GRID2: variants seen among roughly 807,000 people sequenced by gnomAD.
GRID2 encodes glutamate receptor ionotropic, delta-2.
Under a neutral mutation model 114.8 loss-of-function variants are expected in GRID2, and 33 were observed. That is an observed-to-expected ratio of 0.29 (90% CI 0.22 to 0.38). GRID2 has a LOEUF of 0.38. Among genes scored for constraint, GRID2 ranks in the 10% least tolerant of loss-of-function variants. GRID2 has a pLI of 1.00. For synonymous variants in GRID2, 505 were observed against 449.9 expected (o/e 1.12, Z -1.55); for missense variants, 1,184 against 1,257.7 (o/e 0.94, Z 0.89).
intron 2 of GRID2, among the ~76,000 whole-genome samples, chr4:92,817,499 C>T (rs988123454): frequency 6.6e-6 from 1 of 152,120 alleles, no homozygotes; most frequent in Non-Finnish European, 1.5e-5. Flanking sequence ...CCATATCTCT[C>T]ATAAGGCCAT....
intron 2 of GRID2, among the ~76,000 whole-genome samples, chr4:92,625,566 C>A (rs763734900): frequency 6.6e-6 from 1 of 151,674 alleles, no homozygotes; most frequent in Non-Finnish European, 1.5e-5. Flanking sequence ...ATCAAGAAAG[C>A]CTGCATTTAA....
intron 2 of GRID2, among the ~76,000 whole-genome samples, chr4:92,668,978 G>A (rs1309860212): frequency 6.6e-6 from 1 of 151,718 alleles, no homozygotes; most frequent in Non-Finnish European, 1.5e-5. Context: ...ATAGTATTTG[G>A]TCATCATTAA....
chr4:92,983,862 C>T (rs1382914706), intron 2 of GRID2, among the ~76,000 whole-genome samples: 1 of 151,978 alleles, frequency 6.6e-6, no homozygotes, highest in Non-Finnish European at 1.5e-5. Context: ...TATTTTATGT[C>T]AATGCTAAGG....
chr4:92,905,114 T>A (rs1747850193), intron 2 of GRID2, among the ~76,000 whole-genome samples: 1 of 152,022 alleles, frequency 6.6e-6, no homozygotes, highest in Non-Finnish European at 1.5e-5. Context: ...ATTTCCCTAC[T>A]TAATTAAGAA....
intron 8 of GRID2, among the ~76,000 whole-genome samples, chr4:93,383,815 C>T (rs1764082195): frequency 6.6e-6 from 1 of 152,046 alleles, no homozygotes; most frequent in Non-Finnish European, 1.5e-5. Context: ...ACTTGATTGG[C>T]TTCCAAAAAT....
At chr4:92,433,091 A>G (rs1349887352) in intron 1 of GRID2, among the ~76,000 whole-genome samples, 1 of 152,038 alleles carries the variant, frequency 6.6e-6, no homozygotes, top group Non-Finnish European at 1.5e-5. Context: ...CTGGTGTCCT[A>G]TTCAAATGTG....
intron 2 of GRID2, among the ~76,000 whole-genome samples, chr4:92,834,513 T>C (rs1274613198): frequency 6.6e-6 from 1 of 152,116 alleles, no homozygotes; most frequent in Admixed American, 6.6e-5. Flanking sequence ...ATTTTTGTCG[T>C]TTAATCAGGC....
At chr4:93,333,449 A>G (rs916886067) in intron 8 of GRID2, among the ~76,000 whole-genome samples, 24 of 152,170 alleles carry the variant, frequency 1.6e-4, no homozygotes, top group African/African-American at 5.8e-4. Context: ...TCCTTTACAA[A>G]CAGTAACTTC....
At chr4:92,488,454 G>C (rs1252898257) in intron 1 of GRID2, among the ~76,000 whole-genome samples, 1 of 152,068 alleles carries the variant, frequency 6.6e-6, no homozygotes, top group East Asian at 1.9e-4. Flanking sequence ...AAGGATTTGG[G>C]GTGCTGGCAT....
intron 2 of GRID2, among the ~76,000 whole-genome samples, chr4:92,919,058 C>G (rs185892102): frequency 2.6e-5 from 4 of 152,264 alleles, no homozygotes; most frequent in Admixed American, 2.6e-4. Context: ...AGAGATTCAA[C>G]TTCTTCCTGG....
intron 2 of GRID2, among the ~76,000 whole-genome samples, chr4:92,886,138 A>G (rs1489672890): frequency 1.3e-5 from 2 of 152,092 alleles, no homozygotes; most frequent in Non-Finnish European, 2.9e-5. Context: ...CAAGAGGCCT[A>G]TTTCCTGAGG....
intron 1 of GRID2, among the ~76,000 whole-genome samples, chr4:92,393,231 C>A (rs1730335173): frequency 6.6e-6 from 1 of 152,074 alleles, no homozygotes; most frequent in Non-Finnish European, 1.5e-5. Flanking sequence ...CAAAAACCTC[C>A]CACAAGACCC....
intron 1 of GRID2, among the ~76,000 whole-genome samples, chr4:92,474,222 T>C (rs1054738390): frequency 3.9e-5 from 6 of 152,030 alleles, no homozygotes; most frequent in Non-Finnish European, 8.8e-5. Context: ...TCTGTTTATA[T>C]GAATTTGGAT....
intron 2 of GRID2, among the ~76,000 whole-genome samples, chr4:92,606,151 C>T (rs1198342224): frequency 6.9e-6 from 1 of 144,700 alleles, no homozygotes; most frequent in Non-Finnish European, 1.6e-5. Flanking sequence ...AAAGAAACCT[C>T]ATTTTGTGGC....
chr4:93,378,216 A>T (rs1469738), intron 8 of GRID2, among the ~76,000 whole-genome samples: 104,709 of 151,922 alleles, frequency 0.69, 36,726 homozygotes, highest in African/African-American at 0.82. Context: ...CCTAGAATAA[A>T]TCTTACTTTA....
At chr4:92,938,118 T>A (rs1159468615) in intron 2 of GRID2, among the ~76,000 whole-genome samples, 1 of 146,976 alleles carries the variant, frequency 6.8e-6, no homozygotes, top group Non-Finnish European at 1.5e-5. Flanking sequence ...TTTATTTCTC[T>A]TTGTTTTATC....
chr4:93,779,631 T>C (rs915912617), intron 1 of GRID2, among the ~76,000 whole-genome samples: 3 of 152,176 alleles, frequency 2.0e-5, no homozygotes, highest in African/African-American at 7.2e-5. Context: ...TTGCAGAGTA[T>C]GTTTGTCAAA....
chr4:93,644,860 A>T (rs892841947), intron 14 of GRID2, among the ~76,000 whole-genome samples: 44 of 152,058 alleles, frequency 2.9e-4, no homozygotes, highest in African/African-American at 8.7e-4. Context: ...AATCAGAAGC[A>T]TGCTTTTTGA....
intron 10 of GRID2, among the ~76,000 whole-genome samples, chr4:93,439,125 G>T (rs139831885): frequency 0.022 from 3,307 of 152,128 alleles, 68 homozygotes; most frequent in African/African-American, 0.047. Context: ...CTATTGTGAA[G>T]AGTGCAGCTA....
Sources: allele counts gnomAD v4.1 joint callset (sites outside exome capture counted in the v4.1 genomes callset), GRCh38; gene constraint gnomAD v4.1.1; transcripts MANE v1.5; gene names NCBI Gene and HGNC (gene_info 2026-07-23, HGNC 2026-07-21).